The following EDA variants were observed in gnomAD, a reference collection of about 807,000 sequenced individuals.
EDA encodes the protein ectodysplasin-A.
A neutral mutation model predicts 23.6 loss-of-function variants in EDA; 2 were observed. The observed-to-expected ratio is 0.08, with a 90% CI of 0.03 to 0.27. EDA has a LOEUF of 0.27. Among genes scored for constraint, EDA ranks in the 10% least tolerant of loss-of-function variants. The pLI is 1.00. For missense variants in EDA, 229 were observed against 324.2 expected (o/e 0.71, Z 2.26); for synonymous variants, 131 against 132.0 (o/e 0.99, Z 0.05).
chrX:70,028,245 A>G (rs2020148321), intron 4 of EDA, among the ~76,000 whole-genome samples: 1 of 111,215 alleles, frequency 9.0e-6, no homozygotes, highest in Non-Finnish European at 1.9e-5. Context: ...CCAAACTGTC[A>G]AGGACAGGCC....
chrX:69,946,522 A>C (rs2018836215), intron 1 of EDA, among the ~76,000 whole-genome samples: 1 of 112,005 alleles, frequency 8.9e-6, no homozygotes, highest in African/African-American at 3.2e-5. Context: ...TATCAATGTA[A>C]ACTGAATATC....
intron 1 of EDA, among the ~76,000 whole-genome samples, chrX:69,709,638 T>A (rs2011889474): frequency 9.0e-6 from 1 of 111,596 alleles, no homozygotes; most frequent in African/African-American, 3.3e-5. Context: ...TAGTGTCCAC[T>A]GATTTCTCTT....
At chrX:69,800,912 C>T (rs1245109279) in intron 1 of EDA, among the ~76,000 whole-genome samples, 2 of 111,246 alleles carry the variant, frequency 1.8e-5, no homozygotes, top group Non-Finnish European at 3.8e-5. Context: ...CCATGTTGTA[C>T]CTGAGAGTAT....
intron 1 of EDA, among the ~76,000 whole-genome samples, chrX:69,824,677 G>A (rs1173146613): frequency 1.0e-5 from 1 of 96,515 alleles, no homozygotes; most frequent in East Asian, 3.4e-4. Flanking sequence ...TTTCCTAATT[G>A]AATACCCTTT....
intron 1 of EDA, among the ~76,000 whole-genome samples, chrX:69,805,699 A>T (rs1039355901): frequency 1.8e-5 from 2 of 111,837 alleles, no homozygotes; most frequent in African/African-American, 6.5e-5. Context: ...TTAAGCAACC[A>T]TGTGCCCAAG....
At chrX:70,033,928 T>C (rs1172982473) in intron 7 of EDA, among the ~76,000 whole-genome samples, 1 of 111,556 alleles carries the variant, frequency 9.0e-6, no homozygotes, top group Non-Finnish European at 1.9e-5. Flanking sequence ...CCCTCAACAC[T>C]GCTGGCTCGG....
intron 1 of EDA, among the ~76,000 whole-genome samples, chrX:69,687,162 T>A (rs1934572237): frequency 2.7e-5 from 3 of 112,182 alleles, no homozygotes; most frequent in Non-Finnish European, 5.6e-5. Flanking sequence ...GATTTGTATT[T>A]TCCTGAAGAC....
At chrX:69,889,212 A>T (rs747032394) in intron 1 of EDA, among the ~76,000 whole-genome samples, 1 of 105,857 alleles carries the variant, frequency 9.4e-6, no homozygotes, top group East Asian at 3.0e-4. Context: ...CAGTGGTGCA[A>T]TCATGGATCA....
intron 1 of EDA, among the ~76,000 whole-genome samples, chrX:69,764,092 C>T (rs770538970): frequency 9.1e-6 from 1 of 109,464 alleles, no homozygotes; most frequent in South Asian, 4.0e-4. Context: ...TAGATTAGAA[C>T]AAAGGAAAGT....
intron 1 of EDA, among the ~76,000 whole-genome samples, chrX:69,815,843 G>C (rs982029931): frequency 8.9e-6 from 1 of 112,588 alleles, no homozygotes; most frequent in Non-Finnish European, 1.9e-5. Flanking sequence ...CAGCCAGACT[G>C]CTTCTTAGGG....
intron 1 of EDA, among the ~76,000 whole-genome samples, chrX:69,621,689 C>A (rs943794732): frequency 9.0e-5 from 10 of 111,489 alleles, no homozygotes; most frequent in African/African-American, 2.6e-4. Context: ...TTGCTCAATA[C>A]TGTTTTCGTG....
intron 1 of EDA, among the ~76,000 whole-genome samples, chrX:69,653,448 C>T (rs1377231174): frequency 1.3e-4 from 14 of 111,035 alleles, no homozygotes; most frequent in Admixed American, 6.8e-4. Context: ...TCCTCTTTTC[C>T]TAATTGAATA....
At chrX:70,021,394 G>A (rs2020031986) in intron 2 of EDA, among the ~76,000 whole-genome samples, 1 of 111,953 alleles carries the variant, frequency 8.9e-6, no homozygotes, top group Non-Finnish European at 1.9e-5. Flanking sequence ...CATAATGGCT[G>A]TCTTCCTACT....
At chrX:70,003,007 C>G (rs1182242676) in intron 2 of EDA, among the ~76,000 whole-genome samples, 1 of 112,051 alleles carries the variant, frequency 8.9e-6, no homozygotes. Flanking sequence ...TATACAGGAC[C>G]GTCCTTTATA....
At chrX:69,968,194 G>A (rs778500172) in intron 2 of EDA, among the ~76,000 whole-genome samples, 2 of 111,830 alleles carry the variant, frequency 1.8e-5, no homozygotes, top group Admixed American at 1.9e-4. Context: ...AGTATGATAA[G>A]ACTGTCATGG....
chrX:69,891,636 G>A (rs770041271), intron 1 of EDA, among the ~76,000 whole-genome samples: 244 of 111,457 alleles, frequency 2.2e-3, no homozygotes, highest in African/African-American at 7.5e-3. Context: ...GCTGGGGGCC[G>A]TTGTGCTTAG....
intron 1 of EDA, among the ~76,000 whole-genome samples, chrX:69,828,976 T>A (rs1272582439): frequency 8.9e-6 from 1 of 112,465 alleles, no homozygotes; most frequent in East Asian, 2.8e-4. Context: ...TGCCATCGTT[T>A]CAGAAAGGGA....
At chrX:69,623,808 A>C (rs1932279853) in intron 1 of EDA, among the ~76,000 whole-genome samples, 1 of 110,491 alleles carries the variant, frequency 9.1e-6, no homozygotes, top group Admixed American at 9.7e-5. Flanking sequence ...AACTGTCTGC[A>C]ATCATATAGC....
intron 1 of EDA, among the ~76,000 whole-genome samples, chrX:69,685,156 G>A (rs1029034990): frequency 3.6e-5 from 4 of 111,853 alleles, no homozygotes; most frequent in Non-Finnish European, 7.5e-5. Context: ...GGGAGAGATC[G>A]AGAGCCAAGA....
Sources: gnomAD v4.1 joint callset for allele counts (sites outside exome capture counted in the v4.1 genomes callset) on GRCh38, gnomAD v4.1.1 for gene constraint, MANE v1.5 for transcripts, NCBI Gene and HGNC (gene_info 2026-07-23, HGNC 2026-07-21) for gene names.